The following ARCN1 variants were observed in gnomAD, a reference collection of about 807,000 sequenced individuals.
ARCN1 encodes coatomer subunit delta.
A neutral mutation model predicts 60.4 loss-of-function variants in ARCN1; 5 were observed. That is an observed-to-expected ratio of 0.08 (90% CI 0.04 to 0.17). The LOEUF is 0.17. ARCN1 is among the 10% of genes least tolerant of loss of function. The pLI, the probability that ARCN1 is intolerant of heterozygous loss-of-function variation, is 1.00. For missense variants in ARCN1, 464 were observed against 626.5 expected (o/e 0.74, Z 2.77); for synonymous variants, 224 against 220.0 (o/e 1.02, Z -0.16).
intron 8 of ARCN1, among the ~76,000 whole-genome samples, chr11:118,594,469 G>A (rs1190462306): frequency 6.6e-6 from 1 of 152,184 alleles, no homozygotes; most frequent in African/African-American, 2.4e-5. Context: ...TTGAGCACTT[G>A]GAAGGGATGG....
At chr11:118,593,875 C>G (rs1938968285) in intron 8 of ARCN1, 177 bp downstream of exon 8, 6 of 467,258 alleles carry the variant, frequency 1.3e-5, no homozygotes, top group Non-Finnish European at 2.3e-5. Flanking sequence ...ACTTCTTTGT[C>G]TTTCTGGAAA....
In ARCN1 at chr11:118,593,607, G is replaced by A. The variant is rs1555076673; in HGVS notation, c.1150G>A (p.Glu384Lys). Residue 384 changes from glutamate to lysine, a missense_variant, in exon 8 of 10, where the codon GAG (glutamate) becomes AAG (lysine). Transcript: ENST00000264028. Reference sequence around the variant, plus strand: ...CTCCTCAGTTAATTGCTGGCCCTCGGAGAGTGGAAATGGCTGTGATGTCAA... The same window carrying A: ...CTCCTCAGTTAATTGCTGGCCCTCGAAGAGTGGAAATGGCTGTGATGTCAA... ...IPLTINCWPS[E>K]SGNGCDVNIE... 6.2e-7 allele frequency: 1 copy of A among 1,612,804 alleles called. No individual in the cohort carries two copies. Among genetic ancestry groups the A allele is most frequent in the Non-Finnish European group, 8.5e-7 (1 of 1,179,014 alleles).
intron 1 of ARCN1, among the ~76,000 whole-genome samples, chr11:118,579,708 A>C (rs1459149157): frequency 4.6e-5 from 7 of 151,998 alleles, no homozygotes; most frequent in Admixed American, 1.3e-4. Context: ...AAAGGTAGCA[A>C]AAATAGTCAA....
chr11:118,586,819 T>C (rs1591386542), intron 5 of ARCN1, among the ~76,000 whole-genome samples: 1 of 133,804 alleles, frequency 7.5e-6, no homozygotes. Context: ...GCCACTGCAC[T>C]CCAGCCTGGG....
In ARCN1 at chr11:118,602,955, T is replaced by C. The variant is rs1489985781; in HGVS notation, c.*2241T>C. ...ATGTTTATTGGATTATTGACTCACT[T>C]TGGTGTCTGCTTGTTGATTCAGGAT... On this transcript the variant is annotated 3_prime_UTR_variant, in exon 10 of 10. Coordinates refer to ENST00000264028, the MANE Select transcript of ARCN1 (RefSeq NM_001655.5). The C allele has an allele frequency of 1.3e-5, 2 of 153,768 alleles. No homozygotes were observed. The highest frequency in any genetic ancestry group is 2.9e-5 in the Non-Finnish European group (2 of 68,038). 9.5% of individuals were successfully genotyped at this position (153,768 alleles called of 1,614,324 possible).
Position 118,597,748 on chromosome 11 carries a change from A to T in ARCN1, c.1283A>T (p.Glu428Val), listed in dbSNP as rs1939059675. 2.5e-6 allele frequency: 4 copies of T among 1,614,044 alleles called. No homozygotes were observed. In the African/African-American group the frequency reaches 5.3e-5, roughly 22 times the overall value. ...GAPVIGEIDGEYRHDSRRNTL... is the reference protein window; with the variant it reads ...GAPVIGEIDGVYRHDSRRNTL... ...CCTGTTATCGGTGAGATCGATGGGG[A>T]GTATCGACATGACAGTCGACGAAAT... Residue 428 changes from glutamate (E) to valine (V), a missense_variant, in exon 9 of 10, where the codon GAG becomes GTG. Transcript: ENST00000264028.
chr11:118,577,045 G>A (rs973394601), intron 1 of ARCN1, among the ~76,000 whole-genome samples: 15 of 152,034 alleles, frequency 9.9e-5, no homozygotes, highest in African/African-American at 3.6e-4. Context: ...AAATTAGCCA[G>A]GTGTGGTGGC....
Position 118,593,242 on chromosome 11 carries a change from T to C in ARCN1, c.1133-348T>C, listed in dbSNP as rs543457697. ...ATGCCACCACATCCAGCTAACTTTT[T>C]TTAAAAGACACAAACTCCCTCTGTC... On this transcript the variant is annotated intron_variant, in intron 7 of 9. Coordinates refer to ENST00000264028, the MANE Select transcript of ARCN1 (RefSeq NM_001655.5). Among the ~76,000 whole-genome samples the C allele has an allele frequency of 1.3e-4, 20 of 152,206 alleles. No individual in the cohort carries two copies. In the East Asian group the frequency reaches 1.4e-3, roughly 10 times the overall value.
intron 7 of ARCN1, 112 bp from the exon 8 acceptor site, chr11:118,593,478 A>C (rs1477587301): frequency 3.4e-6 from 2 of 582,922 alleles, no homozygotes; most frequent in East Asian, 3.5e-5. Context: ...CAATCCTCCC[A>C]CCTCGATCCT....
chr11:118,592,715 C>A lies in ARCN1; in HGVS notation c.991C>A (p.Pro331Thr). 6.2e-7 allele frequency: 1 copy of A among 1,613,770 alleles called. No individual in the cohort carries two copies. The highest frequency in any genetic ancestry group is 8.5e-7 in the Non-Finnish European group (1 of 1,179,824). Residue 331 changes from proline (P) to threonine (T), a missense_variant, in exon 7 of 10, where the codon CCA becomes ACA. Physicochemically the swap from Pro to Thr is conservative, Grantham distance 38. Coordinates refer to ENST00000264028, the MANE Select transcript of ARCN1 (RefSeq NM_001655.5). Reference protein sequence around the residue: ...DKKGVQLQTHPNVDKKLFTAE... With the variant: ...DKKGVQLQTHTNVDKKLFTAE... ...CCTTTCCCTCTCATTCTAGACCCAT[C>A]CAAATGTGGATAAAAAACTTTTCAC...
intron 1 of ARCN1, among the ~76,000 whole-genome samples, chr11:118,578,223 G>T (rs1555074037): frequency 1.3e-5 from 2 of 151,588 alleles, no homozygotes; most frequent in African/African-American, 2.4e-5. Flanking sequence ...AAAGTGGATA[G>T]TAACATACAC....
At position 118,601,678 on chromosome 11, in the gene ARCN1, T is replaced by TC. The variant is rs1555078169; in HGVS notation, c.*965dup. On this transcript the variant is annotated 3_prime_UTR_variant, in exon 10 of 10. Transcript: ENST00000264028. ...TCTTTTCCCGTATCAATTCATTCCT[T>TC]CATCTCTTTGCCAAGTTGTTTTCCT... 8 of 703,036 alleles carry TC rather than the reference T, an allele frequency of 1.1e-5. No homozygotes were observed. Among genetic ancestry groups the TC allele is most frequent in the Non-Finnish European group, 2.1e-5 (8 of 385,002 alleles). The allele number at this position is 703,036 out of a possible 1,614,324, so 43.5% of individuals were successfully genotyped here.
At chr11:118,580,339 A>T (rs1938622983) in intron 1 of ARCN1, among the ~76,000 whole-genome samples, 1 of 152,156 alleles carries the variant, frequency 6.6e-6, no homozygotes, top group Non-Finnish European at 1.5e-5. Context: ...AAAAAGAAAG[A>T]AATTGTGAAT....
At position 118,584,025 on chromosome 11, in the gene ARCN1, G is replaced by A. The variant is rs374082927; in HGVS notation, c.653+11G>A. On this transcript the variant is annotated intron_variant, in intron 4 of 9. Coordinates refer to ENST00000264028, the MANE Select transcript of ARCN1 (RefSeq NM_001655.5). The stretch of plus-strand genomic sequence containing the variant: ...ACCTGCACCAGCCAGGTATAATCCA[G>A]TGTACTTTAGAATACCAGGTGAAGG... 3.1e-6 allele frequency: 5 copies of A among 1,612,754 alleles called. No homozygotes were observed. Among genetic ancestry groups the A allele is most frequent in the Non-Finnish European group, 4.2e-6 (5 of 1,179,178 alleles).
intron 8 of ARCN1, among the ~76,000 whole-genome samples, chr11:118,595,391 C>CTA (rs1939003525): frequency 6.6e-6 from 1 of 152,206 alleles, no homozygotes; most frequent in Non-Finnish European, 1.5e-5. Flanking sequence ...AGTAAATTTC[C>CTA]TAACAGCCCT....
intron 1 of ARCN1, among the ~76,000 whole-genome samples, chr11:118,574,398 G>T (rs966609090): frequency 6.6e-6 from 1 of 151,868 alleles, no homozygotes; most frequent in Non-Finnish European, 1.5e-5. Context: ...GTTTATTTTA[G>T]CTCAACATTT....
intron 1 of ARCN1, among the ~76,000 whole-genome samples, chr11:118,574,871 A>G (rs1387454023): frequency 3.9e-5 from 6 of 152,006 alleles, no homozygotes; most frequent in South Asian, 2.1e-4. Context: ...GCCTCAAGCA[A>G]TCCTCCCGCC....
At position 118,582,935 on chromosome 11, in the gene ARCN1, G is replaced by A. The variant is rs142887500; in HGVS notation, c.268-244G>A. 2.8e-4 allele frequency among the ~76,000 whole-genome samples: 42 copies of A among 152,038 alleles called. No individual in the cohort carries two copies. In the East Asian group the frequency reaches 7.2e-3, roughly 26 times the overall value. On this transcript the variant is annotated intron_variant, in intron 2 of 9. Transcript: ENST00000264028. ...ACACACCTGTAGTCCCAGCTACTCC[G>A]GAAGCTGAGGCAGGAGAATCACTTA...
chr11:118,587,706 A>G lies in ARCN1; in HGVS notation c.819-2635A>G, dbSNP rs189447087. 9.4e-4 allele frequency among the ~76,000 whole-genome samples: 143 copies of G among 152,300 alleles called. No homozygotes were observed. In the Middle Eastern group the frequency reaches 0.01, roughly 11 times the overall value. On this transcript the variant is annotated intron_variant, in intron 5 of 9. Transcript: ENST00000264028. The stretch of plus-strand genomic sequence containing the variant: ...TCCAATTCAATTCAATTCTGATGCT[A>G]TCTACCTGGGAATAGCCTCAGATTC...
Sources: allele counts gnomAD v4.1 joint callset (sites outside exome capture counted in the v4.1 genomes callset), GRCh38; gene constraint gnomAD v4.1.1; transcripts MANE v1.5; gene names NCBI Gene and HGNC (gene_info 2026-07-23, HGNC 2026-07-21).